GALNT17: variants seen among roughly 807,000 people sequenced by gnomAD.
GALNT17 encodes the protein polypeptide N-acetylgalactosaminyltransferase 17, also known as UDP-GalNAc:polypeptide N-acetylgalactosaminyltransferase-like 3.
Under a neutral mutation model 63.7 loss-of-function variants are expected in GALNT17, and 29 were observed. The ratio of observed to expected loss-of-function variants is 0.46; its 90% CI spans 0.34 to 0.62. The LOEUF (loss-of-function observed/expected upper bound fraction) is 0.62, where lower values mean the gene tolerates loss of function less well. GALNT17 is among the 20% of genes least tolerant of loss of function. The probability of loss-of-function intolerance (pLI) is 0.01; values close to 1 mark genes in which losing one functional copy is unlikely to be tolerated. For missense variants in GALNT17, 603 were observed against 799.6 expected (o/e 0.75, Z 2.97); for synonymous variants, 305 against 318.3 (o/e 0.96, Z 0.45).
chr7:71,258,695 G>A (rs1213800746), intron 1 of GALNT17, among the ~76,000 whole-genome samples: 5 of 151,812 alleles, frequency 3.3e-5, no homozygotes, highest in African/African-American at 1.2e-4. Flanking sequence ...TTTATGCTGG[G>A]TTTTGATGTA....
At chr7:71,490,832 C>G (rs1251164522) in intron 5 of GALNT17, among the ~76,000 whole-genome samples, 2 of 151,622 alleles carry the variant, frequency 1.3e-5, no homozygotes, top group African/African-American at 2.4e-5. Flanking sequence ...CCCAGGAGTT[C>G]GAGGCAGCAG....
intron 6 of GALNT17, among the ~76,000 whole-genome samples, chr7:71,607,954 C>T (rs571586550): frequency 6.6e-6 from 1 of 152,176 alleles, no homozygotes; most frequent in African/African-American, 2.4e-5. Context: ...GCCTCACACA[C>T]AAAACTTATG....
chr7:71,619,205 T>C (rs1790258076), intron 6 of GALNT17, among the ~76,000 whole-genome samples: 1 of 152,198 alleles, frequency 6.6e-6, no homozygotes, highest in African/African-American at 2.4e-5. Flanking sequence ...CTTTGTAGTA[T>C]AGTTTGAAGT....
chr7:71,179,658 G>A (rs983251414), intron 1 of GALNT17, among the ~76,000 whole-genome samples: 3 of 151,742 alleles, frequency 2.0e-5, no homozygotes, highest in African/African-American at 7.3e-5. Context: ...GATTTTGTGG[G>A]CTTGCACCAT....
intron 5 of GALNT17, among the ~76,000 whole-genome samples, chr7:71,542,114 G>A (rs922612944): frequency 6.6e-6 from 1 of 152,128 alleles, no homozygotes; most frequent in Non-Finnish European, 1.5e-5. Context: ...GTGAATAACC[G>A]CAATAGAAAG....
intron 9 of GALNT17, among the ~76,000 whole-genome samples, chr7:71,698,059 G>A (rs1302579837): frequency 6.9e-6 from 1 of 145,902 alleles, no homozygotes; most frequent in East Asian, 2.1e-4. Flanking sequence ...GGAGGCAGAG[G>A]TTACAGCGAG....
chr7:71,298,249 A>C (rs1291851481), intron 1 of GALNT17, among the ~76,000 whole-genome samples: 1 of 152,108 alleles, frequency 6.6e-6, no homozygotes, highest in Non-Finnish European at 1.5e-5. Flanking sequence ...CGAACTCCTG[A>C]CTTCAGGTGA....
intron 5 of GALNT17, among the ~76,000 whole-genome samples, chr7:71,447,568 C>T (rs1287190479): frequency 6.6e-6 from 1 of 152,086 alleles, no homozygotes; most frequent in East Asian, 1.9e-4. Context: ...TTGACCTACA[C>T]CAGTTCATAA....
chr7:71,422,249 A>G lies in GALNT17; in HGVS notation c.962+1144A>G, dbSNP rs2906274. Among the ~76,000 whole-genome samples the G allele has an allele frequency of 8.8e-3, 1,345 of 152,088 alleles. 20 individuals carry two copies. The highest frequency in any genetic ancestry group is 0.03 in the African/African-American group (1,252 of 41,488). ...CTGCCTCCTCCCTTGGCTCATGGCTATGTCGCATCTCCCTTTCTCTCTGGC... is the reference window on the plus strand; with the variant it reads ...CTGCCTCCTCCCTTGGCTCATGGCTGTGTCGCATCTCCCTTTCTCTCTGGC... On this transcript the variant is annotated intron_variant, in intron 5 of 10. Coordinates refer to ENST00000333538, the MANE Select transcript of GALNT17 (RefSeq NM_022479.3).
chr7:71,459,097 TA>T (rs148577765), intron 5 of GALNT17, among the ~76,000 whole-genome samples: 125 of 147,672 alleles, frequency 8.5e-4, no homozygotes, highest in Middle Eastern at 3.4e-3. Flanking sequence ...GGATATTGCT[TA>T]AAAAAAAAAC....
At chr7:71,408,679 G>C (rs934411581) in intron 3 of GALNT17, among the ~76,000 whole-genome samples, 1 of 152,060 alleles carries the variant, frequency 6.6e-6, no homozygotes, top group Non-Finnish European at 1.5e-5. Flanking sequence ...TTTGAAACCA[G>C]CCCGGGTAAC....
At chr7:71,607,396 T>C (rs1294132533) in intron 6 of GALNT17, among the ~76,000 whole-genome samples, 3 of 152,142 alleles carry the variant, frequency 2.0e-5, no homozygotes, top group Non-Finnish European at 4.4e-5. Flanking sequence ...AACAATAAAG[T>C]CGTAAGAGTT....
At chr7:71,433,991 C>A (rs1786914732) in intron 5 of GALNT17, among the ~76,000 whole-genome samples, 2 of 152,098 alleles carry the variant, frequency 1.3e-5, no homozygotes, top group South Asian at 4.1e-4. Context: ...AGTCTTCTGG[C>A]CTCCATCTTT....
At chr7:71,413,482 CG>C (rs1793467216) in intron 3 of GALNT17, among the ~76,000 whole-genome samples, 1 of 152,002 alleles carries the variant, frequency 6.6e-6, no homozygotes, top group Non-Finnish European at 1.5e-5. Context: ...TCTCCTGCCT[CG>C]GCCTCCCGAG....
intron 5 of GALNT17, among the ~76,000 whole-genome samples, chr7:71,482,205 A>G (rs907753571): frequency 2.0e-5 from 3 of 146,612 alleles, no homozygotes; most frequent in African/African-American, 7.6e-5. Flanking sequence ...TCTGGAGTGC[A>G]GTGGTGCGAT....
intron 1 of GALNT17, among the ~76,000 whole-genome samples, chr7:71,274,989 C>T (rs1363747686): frequency 3.3e-5 from 5 of 152,156 alleles, no homozygotes; most frequent in Admixed American, 6.5e-5. Context: ...TGCCTCTGGC[C>T]CTGGGTCACC....
intron 1 of GALNT17, among the ~76,000 whole-genome samples, chr7:71,237,595 G>C (rs1053470315): frequency 1.3e-5 from 2 of 151,996 alleles, no homozygotes; most frequent in Non-Finnish European, 2.9e-5. Flanking sequence ...TGACATGGGA[G>C]GACTGCTTGA....
At chr7:71,368,458 A>G (rs2707449) in intron 2 of GALNT17, among the ~76,000 whole-genome samples, 6,608 of 151,884 alleles carry the variant, frequency 0.044, 509 homozygotes, top group African/African-American at 0.15. Flanking sequence ...GCAGGCCCTC[A>G]CCTGGAAATT....
chr7:71,420,392 C>T (rs1201866137), intron 4 of GALNT17, among the ~76,000 whole-genome samples: 1 of 152,120 alleles, frequency 6.6e-6, no homozygotes, highest in Admixed American at 6.5e-5. Context: ...AATAATCACA[C>T]ACACACACAC....
Sources: gnomAD v4.1 joint callset for allele counts (sites outside exome capture counted in the v4.1 genomes callset) on GRCh38, gnomAD v4.1.1 for gene constraint, MANE v1.5 for transcripts, NCBI Gene and HGNC (gene_info 2026-07-23, HGNC 2026-07-21) for gene names.